PLEKHH2: variants seen among roughly 807,000 people sequenced by gnomAD.
PLEKHH2 encodes pleckstrin homology domain-containing family H member 2.
A neutral mutation model predicts 187.9 loss-of-function variants in PLEKHH2; 129 were observed. That is an observed-to-expected ratio of 0.69 (90% CI 0.59 to 0.79). The LOEUF is 0.79. Ranked by LOEUF, PLEKHH2 falls within the 30% of genes least tolerant of loss-of-function variation. The pLI, the probability that PLEKHH2 is intolerant of heterozygous loss-of-function variation, is 0.00. For missense variants in PLEKHH2, 2,076 were observed against 1,751.2 expected (o/e 1.19, Z -3.31); for synonymous variants, 686 against 605.6 (o/e 1.13, Z -1.95).
chr2:43,671,827 G>A (rs2374572), intron 2 of PLEKHH2, among the ~76,000 whole-genome samples: 69,250 of 151,990 alleles, frequency 0.46, 16,343 homozygotes, highest in Non-Finnish European at 0.51. Context: ...TAATATCTTT[G>A]TTGTGTATAT....
At position 43,706,347 on chromosome 2, in the gene PLEKHH2, T is replaced by A; in HGVS notation, c.1752T>A (p.Thr584=). 1 of 1,609,594 alleles carries A rather than the reference T, an allele frequency of 6.2e-7. No homozygotes were observed. Among genetic ancestry groups the A allele is most frequent in the Non-Finnish European group, 8.5e-7 (1 of 1,176,284 alleles). Residue 584 remains threonine, a synonymous_variant, in exon 10 of 30, where the codon ACT becomes ACA. Transcript: ENST00000282406. ...ATTCTGCTGCAACCCTTTCCTATAC[T>A]ACATCAGGACTTTATACATCTCTGA... ...NKNSAATLSY[T]TSGLYTSLIY...
intron 11 of PLEKHH2, 126 bp from the exon 12 acceptor site, chr2:43,709,864 A>C: frequency 6.2e-6 from 6 of 969,220 alleles, no homozygotes; most frequent in Non-Finnish European, 8.8e-6. Context: ...CAAAGGAATG[A>C]GAATAAATCT....
At chr2:43,718,953 C>T (rs1670342805) in intron 15 of PLEKHH2, among the ~76,000 whole-genome samples, 1 of 152,132 alleles carries the variant, frequency 6.6e-6, no homozygotes. Flanking sequence ...GCTTTGAAAG[C>T]CCAAAGGCTG....
rs2104635413 is a variant in PLEKHH2 at position 43,765,722 on chromosome 2, A to G, written c.*124A>G. 4.8e-6 allele frequency: 4 copies of G among 838,790 alleles called. No individual in the cohort carries two copies. The South Asian group carries it at 7.4e-5, about 15-fold the overall frequency. 52.0% of individuals were successfully genotyped at this position (838,790 alleles called of 1,614,324 possible). On this transcript the variant is annotated 3_prime_UTR_variant, in exon 30 of 30. Coordinates refer to ENST00000282406, the MANE Select transcript of PLEKHH2 (RefSeq NM_172069.4). ...CCGGTATTCCAAACCTTAACAATGAAGGGGGTTAGTCTCTTTTATTTGATT... is the reference window on the plus strand; with the variant it reads ...CCGGTATTCCAAACCTTAACAATGAGGGGGGTTAGTCTCTTTTATTTGATT...
chr2:43,681,264 G>A (rs1668167575), intron 3 of PLEKHH2: 1 of 674,228 alleles, frequency 1.5e-6, no homozygotes, highest in South Asian at 1.9e-5. Context: ...CTCCTGTGGA[G>A]GTCCAGGGTG....
intron 2 of PLEKHH2, among the ~76,000 whole-genome samples, chr2:43,677,342 T>G (rs184087550): frequency 2.3e-4 from 35 of 152,274 alleles, no homozygotes; most frequent in Middle Eastern, 3.4e-3. Context: ...AGAGGACCCT[T>G]CGGCCCTCTG....
At chr2:43,743,813 T>C in intron 22 of PLEKHH2, 21 bp from the exon 23 acceptor site, 2 of 1,595,378 alleles carry the variant, frequency 1.3e-6, no homozygotes, top group Non-Finnish European at 1.7e-6. Flanking sequence ...TTAAGAGAAC[T>C]GCTTTGTTAT....
At position 43,697,277 on chromosome 2, in the gene PLEKHH2, T is replaced by A. The variant is rs1669139332; in HGVS notation, c.609T>A (p.Pro203=). 1 of 1,613,798 alleles carries A rather than the reference T, an allele frequency of 6.2e-7. No individual in the cohort carries two copies. Among genetic ancestry groups the A allele is most frequent in the South Asian group, 1.1e-5 (1 of 91,074 alleles). The change falls in exon 7 of 30, where the codon CCT becomes CCA. Residue 203 remains proline, a synonymous_variant. Coordinates refer to ENST00000282406, the MANE Select transcript of PLEKHH2 (RefSeq NM_172069.4). The stretch of plus-strand genomic sequence containing the variant: ...GCTTTTTATCTCGAGCAAGGAGTCC[T>A]CCTCAAGTAGTAAAATCTGAGGAAA... ...FGCFLSRARS[P]PQVVKSEEMS...
intron 16 of PLEKHH2, among the ~76,000 whole-genome samples, chr2:43,721,417 T>C (rs1670472316): frequency 2.6e-5 from 4 of 152,186 alleles, no homozygotes; most frequent in Admixed American, 2.0e-4. Flanking sequence ...CCTGTGACTG[T>C]TACTGTGTTA....
At chr2:43,678,746 G>C (rs1668004498) in intron 2 of PLEKHH2, 117 bp from the exon 3 acceptor site, 1 of 641,580 alleles carries the variant, frequency 1.6e-6, no homozygotes, top group Admixed American at 2.5e-5. Context: ...AAGTGGAGGT[G>C]GAGGTGGAGG....
At chr2:43,750,884 C>T (rs536400269) in intron 24 of PLEKHH2, among the ~76,000 whole-genome samples, 1 of 152,278 alleles carries the variant, frequency 6.6e-6, no homozygotes, top group African/African-American at 2.4e-5. Context: ...TTAGAATCTT[C>T]CAGTTTATAG....
intron 18 of PLEKHH2, among the ~76,000 whole-genome samples, chr2:43,730,048 G>A (rs1012743933): frequency 3.3e-5 from 5 of 152,018 alleles, no homozygotes; most frequent in African/African-American, 9.7e-5. Flanking sequence ...CTAGCCTTAG[G>A]AGATCCCCCA....
chr2:43,651,685 AT>A (rs1487047003), intron 2 of PLEKHH2, among the ~76,000 whole-genome samples: 2 of 152,214 alleles, frequency 1.3e-5, no homozygotes, highest in Non-Finnish European at 2.9e-5. Flanking sequence ...GCATTAGGGA[AT>A]CAGAACATGA....
chr2:43,720,451 C>T (rs1670428030), intron 15 of PLEKHH2, among the ~76,000 whole-genome samples: 1 of 152,130 alleles, frequency 6.6e-6, no homozygotes, highest in Non-Finnish European at 1.5e-5. Flanking sequence ...GTGCCCTCTA[C>T]CCTGCTAGTC....
intron 2 of PLEKHH2, among the ~76,000 whole-genome samples, chr2:43,668,173 C>T (rs567090157): frequency 1.1e-4 from 17 of 152,038 alleles, no homozygotes; most frequent in African/African-American, 1.5e-4. Flanking sequence ...GCTGGGATTA[C>T]GTGCTCCCAC....
chr2:43,692,605 C>T lies in PLEKHH2; in HGVS notation c.278C>T (p.Ser93Leu), dbSNP rs1160520202. 9 of 1,612,144 alleles carry T rather than the reference C, an allele frequency of 5.6e-6. No homozygotes were observed. The highest frequency in any genetic ancestry group is 4.5e-5 in the East Asian group (2 of 44,786). ...TATAATAAGTGTCAAGATCTGGAGT[C>T]GCTAATACAGGAAAAAGATGACGTC... is the stretch of plus-strand genomic sequence containing the variant. ...RLYNKCQDLE[S>L]LIQEKDDVIQ... Residue 93 changes from serine (S) to leucine (L), a missense_variant, in exon 4 of 30, where the codon TCG (serine) becomes TTG (leucine). Transcript: ENST00000282406.
In PLEKHH2 at chr2:43,766,336, T is replaced by G. The variant is rs549402968; in HGVS notation, c.*738T>G. The G allele has an allele frequency of 2.6e-5, 4 of 152,904 alleles. No individual in the cohort carries two copies. The highest frequency in any genetic ancestry group is 9.6e-5 in the African/African-American group (4 of 41,576). 9.5% of individuals were successfully genotyped at this position (152,904 alleles called of 1,614,324 possible). On this transcript the variant is annotated 3_prime_UTR_variant, in exon 30 of 30. Transcript: ENST00000282406. ...AGAATATTGCCCACATTTCACTGTA[T>G]TTGGTGCTGGGTCATTTTGACCTTG...
At position 43,753,620 on chromosome 2, in the gene PLEKHH2, C is replaced by G. The variant is rs1405637563; in HGVS notation, c.3655C>G (p.Leu1219Val). 2 of 1,455,592 alleles carry G rather than the reference C, an allele frequency of 1.4e-6. No individual in the cohort carries two copies. Among genetic ancestry groups the G allele is most frequent in the Admixed American group, 2.6e-5 (1 of 38,492 alleles). The allele number at this position is 1,455,592 out of a possible 1,614,324, so 90.2% of individuals were successfully genotyped here. The change falls in exon 25 of 30, where the codon CTA becomes GTA. Residue 1219 changes from leucine to valine, a missense_variant and splice_region_variant. By Grantham distance (32) the Leu-to-Val change is conservative. Coordinates refer to ENST00000282406, the MANE Select transcript of PLEKHH2 (RefSeq NM_172069.4). ...GAAATTTACTCTTTTTTTTTACAGA[C>G]TATATTTCTCAGTGCAAGCTCGTGG... The part of the protein sequence containing the change: ...RTVRLTYKNR[L>V]YFSVQARGET...
At chr2:43,643,101 C>A (rs571767816) in intron 1 of PLEKHH2, among the ~76,000 whole-genome samples, 1 of 151,984 alleles carries the variant, frequency 6.6e-6, no homozygotes, top group Non-Finnish European at 1.5e-5. Flanking sequence ...TGTTTGTGAT[C>A]GACAAACTGC....
Sources: allele counts gnomAD v4.1 joint callset (sites outside exome capture counted in the v4.1 genomes callset), GRCh38; gene constraint gnomAD v4.1.1; transcripts MANE v1.5; gene names NCBI Gene and HGNC (gene_info 2026-07-23, HGNC 2026-07-21).